UBE2E2: variants seen among roughly 807,000 people sequenced by gnomAD.
UBE2E2 encodes ubiquitin conjugating enzyme E2 E2, also known as ubiquitin-conjugating enzyme E2 E2.
Under a neutral mutation model 24.7 loss-of-function variants are expected in UBE2E2, and 6 were observed. That is an observed-to-expected ratio of 0.24 (90% CI 0.13 to 0.48). The LOEUF is 0.48. Among genes scored for constraint, UBE2E2 ranks in the 20% least tolerant of loss-of-function variants. UBE2E2 has a pLI of 0.99. For missense variants in UBE2E2, 169 were observed against 245.0 expected, an observed-to-expected ratio of 0.69 and a Z score of 2.07; for synonymous variants, 104 against 83.6, an observed-to-expected ratio of 1.24 and a Z score of -1.33.
At chr3:23,294,334 ATGTATCT>A (rs1311801197) in intron 3 of UBE2E2, among the ~76,000 whole-genome samples, 2 of 152,104 alleles carry the variant, frequency 1.3e-5, no homozygotes, top group East Asian at 3.8e-4. Context: ...CTTTTTCCTA[ATGTATCT>A]TGTATATATG....
At chr3:23,271,542 CCCATTTTATGGAGAGCTGATTGGT>C (rs1698242830) in intron 3 of UBE2E2, among the ~76,000 whole-genome samples, 3 of 152,282 alleles carry the variant, frequency 2.0e-5, no homozygotes, top group South Asian at 4.1e-4. Flanking sequence ...TACTGATTGG[CCCATTTTATGGAGAGCTGATTGGT>C]CCATTTTACA....
intron 3 of UBE2E2, among the ~76,000 whole-genome samples, chr3:23,378,236 T>TA (rs56808350): frequency 0.26 from 30,364 of 116,254 alleles, 4,283 homozygotes; most frequent in Non-Finnish European, 0.3. Flanking sequence ...AAATAAGCAG[T>TA]AAAAAAAAAA....
chr3:23,332,588 GAA>G (rs1296913438), intron 3 of UBE2E2, among the ~76,000 whole-genome samples: 2 of 151,992 alleles, frequency 1.3e-5, no homozygotes, highest in African/African-American at 4.8e-5. Flanking sequence ...TGTAACGAAA[GAA>G]AATAATTGTG....
intron 3 of UBE2E2, among the ~76,000 whole-genome samples, chr3:23,319,671 T>A (rs540723427): frequency 7.0e-6 from 1 of 142,818 alleles, no homozygotes; most frequent in African/African-American, 2.5e-5. Flanking sequence ...AAAAATTAGC[T>A]GGATGTGGTG....
intron 3 of UBE2E2, among the ~76,000 whole-genome samples, chr3:23,245,110 T>C (rs1353550055): frequency 6.6e-6 from 1 of 152,092 alleles, no homozygotes; most frequent in Non-Finnish European, 1.5e-5. Flanking sequence ...ACCAATATTT[T>C]AGGTACTGTG....
chr3:23,295,241 T>C (rs1363157478), intron 3 of UBE2E2, among the ~76,000 whole-genome samples: 2 of 152,104 alleles, frequency 1.3e-5, no homozygotes, highest in African/African-American at 4.8e-5. Context: ...CCTTGATTTT[T>C]GGAGCATTGC....
At chr3:23,316,977 G>C (rs1412046840) in intron 3 of UBE2E2, among the ~76,000 whole-genome samples, 1 of 152,138 alleles carries the variant, frequency 6.6e-6, no homozygotes, top group African/African-American at 2.4e-5. Context: ...TGGTATCCAA[G>C]TTATAAGTCA....
chr3:23,434,005 T>A (rs1698126112), intron 3 of UBE2E2, among the ~76,000 whole-genome samples: 1 of 152,124 alleles, frequency 6.6e-6, no homozygotes. Flanking sequence ...CCATTTTATT[T>A]GAACATACAA....
chr3:23,321,398 A>C (rs17403650), intron 3 of UBE2E2, among the ~76,000 whole-genome samples: 49,483 of 151,102 alleles, frequency 0.33, 8,310 homozygotes, highest in South Asian at 0.38. Context: ...TTGCCATCCA[A>C]CTCCCGGCAT....
At chr3:23,208,573 C>G (rs1375884840) in intron 1 of UBE2E2, 119 bp from the exon 2 acceptor site, 3 of 743,714 alleles carry the variant, frequency 4.0e-6, no homozygotes, top group Non-Finnish European at 5.8e-6. Flanking sequence ...TTGTAAATGA[C>G]CAATTTAATC....
chr3:23,351,276 A>C (rs1015785981), intron 3 of UBE2E2, among the ~76,000 whole-genome samples: 2 of 152,252 alleles, frequency 1.3e-5, no homozygotes, highest in Admixed American at 1.3e-4. Flanking sequence ...CAGCCACTGC[A>C]AAATCATGCC....
intron 3 of UBE2E2, among the ~76,000 whole-genome samples, chr3:23,492,392 G>C (rs1699518344): frequency 6.6e-6 from 1 of 152,058 alleles, no homozygotes; most frequent in African/African-American, 2.4e-5. Context: ...GGTAATTTCA[G>C]GTCAGTTCCC....
intron 3 of UBE2E2, among the ~76,000 whole-genome samples, chr3:23,237,594 T>G (rs533144448): frequency 9.7e-4 from 147 of 152,282 alleles, no homozygotes; most frequent in African/African-American, 3.4e-3. Context: ...TAATTCATTT[T>G]TCATGTATAC....
At position 23,561,618 on chromosome 3, in the gene UBE2E2, G is replaced by T. The variant is rs572873027; in HGVS notation, c.509-28116G>T. Among the ~76,000 whole-genome samples, 3 of 151,524 alleles carry T rather than the reference G, an allele frequency of 2.0e-5. No homozygotes were observed. In the East Asian group the frequency reaches 5.8e-4, roughly 29 times the overall value. The stretch of plus-strand genomic sequence containing the variant: ...TTCCAATTCTGTGAAGAAAGTCATT[G>T]GTAGCTTGATGGGGATGGCATTGAA... On this transcript the variant is annotated intron_variant, in intron 5 of 5. Coordinates refer to ENST00000396703, the MANE Select transcript of UBE2E2 (RefSeq NM_152653.4).
rs529362130 is a variant in UBE2E2 at position 23,567,538 on chromosome 3, A to T, written c.509-22196A>T. 3.3e-5 allele frequency among the ~76,000 whole-genome samples: 5 copies of T among 152,342 alleles called. No individual in the cohort carries two copies. In the South Asian group the frequency reaches 1.0e-3, roughly 32 times the overall value. On this transcript the variant is annotated intron_variant, in intron 5 of 5. Coordinates refer to ENST00000396703, the MANE Select transcript of UBE2E2 (RefSeq NM_152653.4). ...AAAGGTCACTTATAGGAAATGGATC[A>T]TGTCTGCTTTAGATTCAAAGCCAAG...
chr3:23,464,020 T>C (rs1333234034), intron 3 of UBE2E2, among the ~76,000 whole-genome samples: 1 of 152,188 alleles, frequency 6.6e-6, no homozygotes, highest in Non-Finnish European at 1.5e-5. Context: ...ATCCCTGTTG[T>C]GGCTGTTTTC....
chr3:23,274,413 T>C (rs1698327811), intron 3 of UBE2E2, among the ~76,000 whole-genome samples: 1 of 152,118 alleles, frequency 6.6e-6, no homozygotes, highest in Admixed American at 6.6e-5. Context: ...TGCGGCAGGC[T>C]GCAGTGCAGT....
In UBE2E2 at chr3:23,589,567, A is replaced by G. The variant is rs1401887697; in HGVS notation, c.509-167A>G. Among the ~76,000 whole-genome samples, 2 of 152,198 alleles carry G rather than the reference A, an allele frequency of 1.3e-5. No homozygotes were observed. Among genetic ancestry groups the G allele is most frequent in the Admixed American group, 6.5e-5 (1 of 15,284 alleles). On this transcript the variant is annotated intron_variant, in intron 5 of 5. Transcript: ENST00000396703. The surrounding 1 kb of genome is among the most constrained non-coding windows in gnomAD (Gnocchi z 4.1). ...GGTGACTCTTGGGGCAGCTGGTGTGAAATGTAGTCTGTCAGCAGCAGGTGA... is the reference window on the plus strand; with the variant it reads ...GGTGACTCTTGGGGCAGCTGGTGTGGAATGTAGTCTGTCAGCAGCAGGTGA...
intron 5 of UBE2E2, among the ~76,000 whole-genome samples, chr3:23,571,162 TTAATTA>T (rs1170078037): frequency 6.6e-6 from 1 of 152,000 alleles, no homozygotes; most frequent in South Asian, 2.1e-4. Flanking sequence ...TATTACCTAT[TTAATTA>T]TAAGTTTGTA....
Sources: allele counts gnomAD v4.1 joint callset (sites outside exome capture counted in the v4.1 genomes callset), GRCh38; gene constraint gnomAD v4.1.1; non-coding constraint Gnocchi (gnomAD v3.1); transcripts MANE v1.5; gene names NCBI Gene and HGNC (gene_info 2026-07-23, HGNC 2026-07-21).